The following PDE10A variants were observed in gnomAD, a reference collection of about 807,000 sequenced individuals.
PDE10A encodes phosphodiesterase 10A.
Under a neutral mutation model 97.7 loss-of-function variants are expected in PDE10A, and 39 were observed. The observed-to-expected ratio is 0.40, with a 90% CI of 0.31 to 0.52. The LOEUF is 0.52. Among genes scored for constraint, PDE10A ranks in the 20% least tolerant of loss-of-function variants. PDE10A has a pLI of 0.56. For synonymous variants in PDE10A, 371 were observed against 376.8 expected (o/e 0.98, Z 0.18); for missense variants, 731 against 1,047.8 (o/e 0.70, Z 4.17).
intron 13 of PDE10A, among the ~76,000 whole-genome samples, chr6:165,400,268 C>A (rs891890574): frequency 6.6e-6 from 1 of 151,128 alleles, no homozygotes; most frequent in African/African-American, 2.4e-5. Context: ...AATGTCTTAA[C>A]GACCTTAGGT....
chr6:165,377,187 G>A (rs1200487658), intron 18 of PDE10A, among the ~76,000 whole-genome samples: 1 of 152,036 alleles, frequency 6.6e-6, no homozygotes, highest in African/African-American at 2.4e-5. Context: ...AAACCAAAAA[G>A]TTTGTGTGAC....
intron 1 of PDE10A, among the ~76,000 whole-genome samples, chr6:165,828,016 C>T (rs1395988027): frequency 2.0e-5 from 3 of 152,208 alleles, no homozygotes; most frequent in African/African-American, 7.2e-5. Context: ...CTGTTCTAGA[C>T]TAGCACAGGA....
At chr6:165,876,524 T>A (rs1013221361) in intron 1 of PDE10A, among the ~76,000 whole-genome samples, 1 of 152,172 alleles carries the variant, frequency 6.6e-6, no homozygotes, top group African/African-American at 2.4e-5. Context: ...ACTATTCCCA[T>A]GTAAAAACTG....
rs1787979051 is a variant in PDE10A at position 165,619,467 on chromosome 6, G to A, written c.865+42480C>T. Reference sequence around the variant, plus strand: ...GTATAGTCTAGTGTAGTGTAGTCTAGTGTAGTGTAGTCTAGTGTAGTCTAG... The same window carrying A: ...GTATAGTCTAGTGTAGTGTAGTCTAATGTAGTGTAGTCTAGTGTAGTCTAG... On this transcript the variant is annotated intron_variant, in intron 1 of 21. Coordinates refer to ENST00000539869, the MANE Select transcript of PDE10A (RefSeq NM_001385079.1). 3.6e-5 allele frequency among the ~76,000 whole-genome samples: 5 copies of A among 139,126 alleles called. 2 individuals are homozygous for A. The highest frequency in any genetic ancestry group is 1.2e-4 in the African/African-American group (4 of 32,364). The allele number at this position is 139,126 out of a possible 152,430, so 91.3% of individuals were successfully genotyped here. A position where few individuals can be genotyped will look rare whatever the true frequency, so the allele number is the denominator to read the frequency against.
Position 165,930,863 on chromosome 6 carries a change from C to T in PDE10A, c.-615+56666G>A, listed in dbSNP as rs569263821. Among the ~76,000 whole-genome samples the T allele has an allele frequency of 2.2e-4, 33 of 152,320 alleles. No homozygotes were observed. In the East Asian group the frequency reaches 4.6e-3, roughly 21 times the overall value. On this transcript the variant is annotated intron_variant, in intron 1 of 19. Coordinates refer to the PDE10A transcript ENST00000366882. The stretch of plus-strand genomic sequence containing the variant: ...CGAGGGGAGCTTCACCGTGGCTCTT[C>T]GCAGGATCAGGAACTGGCATTTCAG...
intron 1 of PDE10A, among the ~76,000 whole-genome samples, chr6:165,714,498 A>G (rs1355064362): frequency 2.0e-5 from 3 of 152,240 alleles, no homozygotes; most frequent in Non-Finnish European, 4.4e-5. Flanking sequence ...ACTCAGCTGC[A>G]GATCAAAATA....
chr6:165,458,285 G>C (rs117350376), intron 3 of PDE10A, among the ~76,000 whole-genome samples: 1 of 152,020 alleles, frequency 6.6e-6, no homozygotes, highest in Admixed American at 6.6e-5. Flanking sequence ...AAATTCCTAC[G>C]CTGAAATCTT....
chr6:165,409,285 G>A (rs1477981996), intron 13 of PDE10A, among the ~76,000 whole-genome samples: 2 of 147,350 alleles, frequency 1.4e-5, no homozygotes, highest in Admixed American at 6.8e-5. Context: ...GGTGGCTCAC[G>A]CCTGTAATCC....
rs914684507 is a variant in PDE10A, at chr6:165,662,307, C to G, written c.505G>C (p.Glu169Gln). The change falls in exon 1 of 22, where the codon GAG becomes CAG. Residue 169 changes from glutamate (E) to glutamine (Q), a missense_variant. This residue lies in a region of PDE10A where 181 missense variants were observed against 159.1 expected (regional missense o/e 1.14). Coordinates refer to ENST00000539869, the MANE Select transcript of PDE10A (RefSeq NM_001385079.1). ...GTGGGGACGCTCAAGGGAGCTGCCT[C>G]TTGTCCTCCTCCTCCTCCTCCGCCA... ...DAGGGGGGGQ[E>Q]AAPLSVPTSS... 8 of 160,254 alleles carry G rather than the reference C, an allele frequency of 5.0e-5. No individual in the cohort carries two copies. The highest frequency in any genetic ancestry group is 2.0e-4 in the African/African-American group (8 of 40,620). The allele number at this position is 160,254 out of a possible 1,614,324, so 9.9% of individuals were successfully genotyped here. A position where few individuals can be genotyped will look rare whatever the true frequency, so the allele number is the denominator to read the frequency against.
rs566475442 is a variant in PDE10A, at chr6:165,374,919, T to C, written c.2783+4275A>G. 1.1e-3 allele frequency among the ~76,000 whole-genome samples: 168 copies of C among 152,286 alleles called. 1 individual carries two copies. The highest frequency in any genetic ancestry group is 3.6e-3 in the African/African-American group (151 of 41,554). On this transcript the variant is annotated intron_variant, in intron 18 of 21. Coordinates refer to ENST00000539869, the MANE Select transcript of PDE10A (RefSeq NM_001385079.1). ...CATTATTTTATTGTATCAGTCACAG[T>C]GATCTATGATCAGTGATCTTTGATG...
chr6:165,948,598 G>T (rs750023215), intron 1 of PDE10A: 5 of 152,258 alleles, frequency 3.3e-5, no homozygotes, highest in Non-Finnish European at 5.9e-5. Context: ...AGAAGTTCCC[G>T]AATACTCCTG....
At chr6:165,615,995 C>A (rs1382922169) in intron 1 of PDE10A, among the ~76,000 whole-genome samples, 1 of 152,154 alleles carries the variant, frequency 6.6e-6, no homozygotes, top group African/African-American at 2.4e-5. Context: ...ATTTTTTACC[C>A]ACAAATTTGA....
At chr6:165,664,939 G>A (rs967648157), upstream of PDE10A, among the ~76,000 whole-genome samples, 2 of 152,202 alleles carry the variant, frequency 1.3e-5, no homozygotes, top group African/African-American at 4.8e-5. Flanking sequence ...CCTTGCGGGC[G>A]CAGGAGACAG....
rs1434448418 is a variant in PDE10A, at chr6:165,823,528, ACC to A, written c.-615+163999_-615+164000del. Among the ~76,000 whole-genome samples, 188 of 88,420 alleles carry A rather than the reference ACC, an allele frequency of 2.1e-3. No homozygotes were observed. The Middle Eastern group carries it at 0.029, about 13-fold the overall frequency. 58.0% of individuals were successfully genotyped at this position (88,420 alleles called of 152,430 possible). On this transcript the variant is annotated intron_variant, in intron 1 of 19. Coordinates refer to the PDE10A transcript ENST00000366882. ...TATATATATATATATATATATATGA[ACC>A]TTAATTATAAATATTATATAGAAAT...
chr6:165,700,847 T>A (rs543039158), intron 1 of PDE10A, among the ~76,000 whole-genome samples: 1 of 152,354 alleles, frequency 6.6e-6, no homozygotes, highest in East Asian at 1.9e-4. Flanking sequence ...GAAGTTATCA[T>A]GCGGGTGATT....
intron 1 of PDE10A, among the ~76,000 whole-genome samples, chr6:165,811,323 A>C (rs62427303): frequency 0.067 from 10,241 of 152,258 alleles, 446 homozygotes; most frequent in African/African-American, 0.11. Flanking sequence ...TAGTTACATC[A>C]TCTCTGCAGC....
chr6:165,642,249 G>A (rs1789171266), intron 1 of PDE10A, among the ~76,000 whole-genome samples: 1 of 152,184 alleles, frequency 6.6e-6, no homozygotes, highest in Non-Finnish European at 1.5e-5. Context: ...TCCTTGGGGA[G>A]ATGTCCCTAG....
At chr6:165,934,363 A>G (rs2128491351) in intron 1 of PDE10A, among the ~76,000 whole-genome samples, 1 of 152,002 alleles carries the variant, frequency 6.6e-6, no homozygotes, top group Non-Finnish European at 1.5e-5. Flanking sequence ...CTGCACCAAA[A>G]TGGCAAATAT....
chr6:165,350,539 T>A (rs570783102), intron 18 of PDE10A, among the ~76,000 whole-genome samples: 3 of 152,104 alleles, frequency 2.0e-5, no homozygotes, highest in Non-Finnish European at 2.9e-5. Flanking sequence ...TGGAATTAGT[T>A]AAGAATTTGA....
Sources: gnomAD v4.1 joint callset for allele counts (sites outside exome capture counted in the v4.1 genomes callset) on GRCh38, gnomAD v4.1.1 for gene constraint, gnomAD v4.1.1 regional missense constraint, MANE v1.5 for transcripts, NCBI Gene and HGNC (gene_info 2026-07-23, HGNC 2026-07-21) for gene names.